Variants in PIK3R1 observed in about 807,000 individuals in gnomAD.
PIK3R1 encodes the protein phosphatidylinositol 3-kinase regulatory subunit alpha.
Under a neutral mutation model 98.0 loss-of-function variants are expected in PIK3R1, and 29 were observed. The observed-to-expected ratio is 0.30, with a 90% CI of 0.22 to 0.40. The LOEUF is 0.40. Among genes scored for constraint, PIK3R1 ranks in the 10% least tolerant of loss-of-function variants. The probability of loss-of-function intolerance (pLI) is 1.00; values close to 1 mark genes in which losing one functional copy is unlikely to be tolerated. For missense variants in PIK3R1, 596 were observed against 872.7 expected (o/e 0.68, Z 3.99); for synonymous variants, 282 against 311.8 (o/e 0.90, Z 1.01).
intron 2 of PIK3R1, among the ~76,000 whole-genome samples, chr5:68,244,797 C>T (rs1489499955): frequency 6.6e-6 from 1 of 152,038 alleles, no homozygotes; most frequent in Non-Finnish European, 1.5e-5. Flanking sequence ...CTCTGTGGGA[C>T]TAGATGTTAA....
chr5:68,295,656 G>A, intron 14 of PIK3R1, 168 bp downstream of exon 14: 2 of 634,598 alleles, frequency 3.2e-6, no homozygotes, highest in Non-Finnish European at 5.6e-6. Context: ...AAAAAAGAAA[G>A]CTTAGCTAAG....
intron 7 of PIK3R1, among the ~76,000 whole-genome samples, chr5:68,282,281 C>T (rs1369060299): frequency 1.3e-5 from 2 of 152,126 alleles, no homozygotes; most frequent in Non-Finnish European, 2.9e-5. Flanking sequence ...GATTTGGGAG[C>T]TCTGTGCTGG....
At chr5:68,293,859 T>TA (rs544279360) in intron 11 of PIK3R1, 25 bp downstream of exon 11, 1 of 1,524,548 alleles carries the variant, frequency 6.6e-7, no homozygotes, top group Non-Finnish European at 8.8e-7. Flanking sequence ...AAAATCAGAT[T>TA]AAAAAATAAG....
chr5:68,221,858 A>T (rs899644233), intron 1 of PIK3R1, among the ~76,000 whole-genome samples: 1 of 152,256 alleles, frequency 6.6e-6, no homozygotes, highest in African/African-American at 2.4e-5. Context: ...GCTTCTGATT[A>T]ATGGGATTGC....
chr5:68,295,552 T>TG (rs1747668662), intron 14 of PIK3R1, 64 bp downstream of exon 14: 1 of 1,377,728 alleles, frequency 7.3e-7, no homozygotes, highest in Admixed American at 1.7e-5. Flanking sequence ...ATGCATGACT[T>TG]GCTTTGTTTT....
chr5:68,298,222 G>A lies in PIK3R1; in HGVS notation c.*621G>A, dbSNP rs1747840415. The A allele has an allele frequency of 4.3e-6, 1 of 232,654 alleles. No individual in the cohort carries two copies. The highest frequency in any genetic ancestry group is 8.5e-6 in the Non-Finnish European group (1 of 117,492). The allele number at this position is 232,654 out of a possible 1,614,324, so 14.4% of individuals were successfully genotyped here. A position where few individuals can be genotyped will look rare whatever the true frequency, so the allele number is the denominator to read the frequency against. On this transcript the variant is annotated 3_prime_UTR_variant, in exon 16 of 16. Coordinates refer to ENST00000521381, the MANE Select transcript of PIK3R1 (RefSeq NM_181523.3). ...TCTGTCATAGAAAGTGCCAGAAAGT[G>A]TTTAACTTGTCAAAAAACAAAAACC...
intron 7 of PIK3R1, chr5:68,290,950 T>C (rs1747356203): frequency 7.3e-6 from 5 of 681,334 alleles, no homozygotes; most frequent in Non-Finnish European, 1.2e-5. Flanking sequence ...GTTTCATTGA[T>C]AAAAATTAGT....
intron 7 of PIK3R1, among the ~76,000 whole-genome samples, chr5:68,287,156 G>A (rs1367357672): frequency 6.6e-6 from 1 of 152,144 alleles, no homozygotes; most frequent in African/African-American, 2.4e-5. Flanking sequence ...CAGAGTATGA[G>A]GGTATTATTG....
At chr5:68,233,492 G>T (rs1024695750) in intron 2 of PIK3R1, among the ~76,000 whole-genome samples, 1 of 152,184 alleles carries the variant, frequency 6.6e-6, no homozygotes, top group Non-Finnish European at 1.5e-5. Context: ...AACTAGAAAT[G>T]GGCTTTATTT....
chr5:68,296,778 C>CTTGAGATAG (rs1747737354), intron 15 of PIK3R1, among the ~76,000 whole-genome samples: 1 of 152,272 alleles, frequency 6.6e-6, no homozygotes, highest in Non-Finnish European at 1.5e-5. Flanking sequence ...GATCATTATC[C>CTTGAGATAG]TTGAGATAGG....
At chr5:68,260,685 T>A (rs546973000) in intron 2 of PIK3R1, among the ~76,000 whole-genome samples, 1 of 152,288 alleles carries the variant, frequency 6.6e-6, no homozygotes, top group East Asian at 1.9e-4. Context: ...TTATCATGAC[T>A]CAAGGAAATA....
intron 2 of PIK3R1, among the ~76,000 whole-genome samples, chr5:68,269,746 G>A (rs1389661034): frequency 6.6e-6 from 1 of 152,116 alleles, no homozygotes; most frequent in Admixed American, 6.5e-5. Flanking sequence ...TGATCCTATT[G>A]TTGGAAGTAG....
intron 2 of PIK3R1, among the ~76,000 whole-genome samples, chr5:68,236,425 A>AT (rs199820571): frequency 6.6e-6 from 1 of 150,482 alleles, no homozygotes; most frequent in Admixed American, 6.6e-5. Flanking sequence ...AATTTTTTGT[A>AT]TTTTTTGTAG....
intron 2 of PIK3R1, among the ~76,000 whole-genome samples, chr5:68,236,243 T>C (rs1744663234): frequency 6.6e-6 from 1 of 150,684 alleles, no homozygotes; most frequent in African/African-American, 2.5e-5. Context: ...TTATAACCTT[T>C]TTTTGTTTGT....
At chr5:68,284,287 G>C (rs577766432) in intron 7 of PIK3R1, among the ~76,000 whole-genome samples, 28 of 152,204 alleles carry the variant, frequency 1.8e-4, no homozygotes, top group Admixed American at 1.8e-3. Flanking sequence ...TGTGAATCCT[G>C]TCAGGCCTTT....
At chr5:68,294,283 A>AACAACAGGGATGCTATAAACTAC (rs2112267739) in intron 11 of PIK3R1, among the ~76,000 whole-genome samples, 1 of 152,250 alleles carries the variant, frequency 6.6e-6, no homozygotes, top group East Asian at 1.9e-4. Flanking sequence ...GGGAACAGAA[A>AACAACAGGGATGCTATAAACTAC]ACAACAGGGA....
chr5:68,229,715 C>T (rs1245801350), intron 2 of PIK3R1, among the ~76,000 whole-genome samples: 1 of 152,188 alleles, frequency 6.6e-6, no homozygotes, highest in Non-Finnish European at 1.5e-5. Flanking sequence ...GCCAAGAGTA[C>T]GTTCTGTGAG....
chr5:68,244,523 G>GC lies in PIK3R1; in HGVS notation c.334+17520dup, dbSNP rs1190697417. ...CCTATTTCTCTAGGACCGCCCCCCC[G>GC]CCCCCCGCCGCCGCTTCAGAGAGCT... On this transcript the variant is annotated intron_variant, in intron 2 of 15. Transcript: ENST00000521381. Among the ~76,000 whole-genome samples, 17 of 7,998 alleles carry GC rather than the reference G, an allele frequency of 2.1e-3. 5 individuals are homozygous for GC. The South Asian group carries it at 0.05, about 24-fold the overall frequency. The allele number at this position is 7,998 out of a possible 152,430, so 5.2% of individuals were successfully genotyped here. A position where few individuals can be genotyped will look rare whatever the true frequency, so the allele number is the denominator to read the frequency against.
intron 7 of PIK3R1, chr5:68,291,084 GGT>G: frequency 2.7e-6 from 1 of 376,692 alleles, no homozygotes; most frequent in South Asian, 4.7e-5. Flanking sequence ...GTTTTTCACT[GGT>G]GTCTTTTGTT....
Sources: gnomAD v4.1 joint callset for allele counts (sites outside exome capture counted in the v4.1 genomes callset) on GRCh38, gnomAD v4.1.1 for gene constraint, MANE v1.5 for transcripts, NCBI Gene and HGNC (gene_info 2026-07-23, HGNC 2026-07-21) for gene names.